OSBPL10: variants seen among roughly 807,000 people sequenced by gnomAD.
The protein encoded by OSBPL10 is oxysterol binding protein like 10.
Under a neutral mutation model 81.7 loss-of-function variants are expected in OSBPL10, and 49 were observed. The observed-to-expected ratio is 0.60, with a 90% CI of 0.48 to 0.76. The LOEUF (loss-of-function observed/expected upper bound fraction) is 0.76, where lower values mean the gene tolerates loss of function less well. Among genes scored for constraint, OSBPL10 ranks in the 30% least tolerant of loss-of-function variants. The pLI is 0.00. For synonymous variants in OSBPL10, 419 were observed against 383.6 expected, an observed-to-expected ratio of 1.09 and a Z score of -1.08; for missense variants, 923 against 987.8, an observed-to-expected ratio of 0.93 and a Z score of 0.88.
intron 9 of OSBPL10, 149 bp downstream of exon 9, chr3:31,670,648 G>T: frequency 1.1e-6 from 1 of 886,102 alleles, no homozygotes; most frequent in Non-Finnish European, 1.7e-6. Flanking sequence ...ATGTAAGGTA[G>T]GGAAAAGGCA....
intron 5 of OSBPL10, among the ~76,000 whole-genome samples, chr3:31,743,428 C>A (rs996098259): frequency 6.6e-6 from 1 of 152,160 alleles, no homozygotes; most frequent in South Asian, 2.1e-4. Context: ...GAGATAATAA[C>A]ATCAGAAACA....
At chr3:31,739,772 C>T (rs564118044) in intron 5 of OSBPL10, among the ~76,000 whole-genome samples, 5 of 152,316 alleles carry the variant, frequency 3.3e-5, no homozygotes, top group African/African-American at 9.6e-5. Flanking sequence ...TTCTTTAAGC[C>T]ACCCAGTCTA....
At chr3:31,864,909 C>A (rs1347844868) in intron 3 of OSBPL10, among the ~76,000 whole-genome samples, 4 of 151,948 alleles carry the variant, frequency 2.6e-5, no homozygotes, top group African/African-American at 9.7e-5. Flanking sequence ...GTGGCGTGAA[C>A]AAGTAGCTGA....
intron 4 of OSBPL10, among the ~76,000 whole-genome samples, chr3:31,780,313 A>G (rs1445156035): frequency 2.0e-5 from 3 of 152,136 alleles, no homozygotes; most frequent in African/African-American, 7.2e-5. Flanking sequence ...CAATAATAGT[A>G]ACACAATTTA....
At chr3:31,954,238 T>C (rs1342355696) in intron 1 of OSBPL10, among the ~76,000 whole-genome samples, 4 of 152,288 alleles carry the variant, frequency 2.6e-5, no homozygotes, top group Non-Finnish European at 5.9e-5. Flanking sequence ...CTGGCCAAGA[T>C]GCCACAGGCC....
At chr3:31,848,287 G>A (rs1012325683) in intron 3 of OSBPL10, among the ~76,000 whole-genome samples, 1 of 151,382 alleles carries the variant, frequency 6.6e-6, no homozygotes. Context: ...CTCTTCTGCT[G>A]TTACTCTCTG....
At chr3:31,760,819 C>A (rs1297047951) in intron 4 of OSBPL10, among the ~76,000 whole-genome samples, 4 of 152,188 alleles carry the variant, frequency 2.6e-5, no homozygotes, top group African/African-American at 9.7e-5. Context: ...TATGCCACAA[C>A]TTATTGCCCA....
At chr3:31,917,428 T>A (rs1470567611) in intron 1 of OSBPL10, among the ~76,000 whole-genome samples, 6 of 143,320 alleles carry the variant, frequency 4.2e-5, no homozygotes, top group East Asian at 4.6e-4. Flanking sequence ...TTAATTTACA[T>A]GATGGGTAGT....
chr3:32,052,358 T>C (rs1446151054), intron 1 of OSBPL10, among the ~76,000 whole-genome samples: 4 of 152,214 alleles, frequency 2.6e-5, no homozygotes, highest in African/African-American at 9.6e-5. Context: ...TCTTTGACTT[T>C]TGAAAATTGG....
At chr3:31,998,575 A>G (rs1317393772) in intron 2 of OSBPL10, among the ~76,000 whole-genome samples, 2 of 152,234 alleles carry the variant, frequency 1.3e-5, no homozygotes, top group Non-Finnish European at 2.9e-5. Flanking sequence ...CAGTTTCCTT[A>G]TCTGTCCCTT....
chr3:32,029,768 G>A (rs1699449641), intron 2 of OSBPL10, among the ~76,000 whole-genome samples: 1 of 152,082 alleles, frequency 6.6e-6, no homozygotes, highest in African/African-American at 2.4e-5. Flanking sequence ...CCCTAGAGGG[G>A]AAAATATCTC....
At chr3:32,066,480 T>C (rs1412680068) in intron 1 of OSBPL10, 1 of 152,222 alleles carries the variant, frequency 6.6e-6, no homozygotes, top group Non-Finnish European at 1.5e-5. Flanking sequence ...GCAGCCTTAC[T>C]ATCCTTAACA....
intron 4 of OSBPL10, among the ~76,000 whole-genome samples, chr3:31,815,280 C>T (rs1250796048): frequency 6.6e-6 from 1 of 152,060 alleles, no homozygotes; most frequent in Non-Finnish European, 1.5e-5. Context: ...GGAGCAGAGA[C>T]AAGTGGTCCT....
intron 1 of OSBPL10, among the ~76,000 whole-genome samples, chr3:31,885,937 G>A (rs1695721900): frequency 7.2e-6 from 1 of 138,238 alleles, no homozygotes; most frequent in Admixed American, 7.8e-5. Context: ...GGAGGTTGCA[G>A]TAAGCCAAGG....
At chr3:31,815,869 C>T (rs184834991) in intron 4 of OSBPL10, among the ~76,000 whole-genome samples, 1 of 152,130 alleles carries the variant, frequency 6.6e-6, no homozygotes, top group Non-Finnish European at 1.5e-5. Context: ...TTGTCTCGAG[C>T]CTTAGGGCAC....
intron 4 of OSBPL10, among the ~76,000 whole-genome samples, chr3:31,816,931 A>G (rs1353099801): frequency 6.6e-6 from 1 of 152,040 alleles, no homozygotes; most frequent in African/African-American, 2.4e-5. Context: ...TTGTTCCATC[A>G]TCTCCAGCTA....
chr3:31,880,686 TCATA>T (rs1345466427), intron 1 of OSBPL10, among the ~76,000 whole-genome samples: 1 of 152,188 alleles, frequency 6.6e-6, no homozygotes, highest in African/African-American at 2.4e-5. Context: ...CTCTCTTCCT[TCATA>T]GTCACCAAGT....
intron 1 of OSBPL10, among the ~76,000 whole-genome samples, chr3:31,940,839 C>T (rs1437134441): frequency 6.6e-6 from 1 of 152,102 alleles, no homozygotes; most frequent in Non-Finnish European, 1.5e-5. Context: ...GGGGTTTCAC[C>T]ATATTGGCCA....
chr3:31,885,995 C>CG (rs759910173), intron 1 of OSBPL10, among the ~76,000 whole-genome samples: 1 of 62,538 alleles, frequency 1.6e-5, no homozygotes, highest in Non-Finnish European at 2.8e-5. Context: ...AACTCCATCT[C>CG]AAAAAAAAAA....
Sources: allele counts gnomAD v4.1 joint callset (sites outside exome capture counted in the v4.1 genomes callset), GRCh38; gene constraint gnomAD v4.1.1; transcripts MANE v1.5; gene names NCBI Gene and HGNC (gene_info 2026-07-23, HGNC 2026-07-21).